Variants in ZNF704 observed in about 807,000 individuals in gnomAD.
ZNF704 encodes zinc finger protein 704, also known as glucocorticoid induced gene 1.
In ZNF704, 10 loss-of-function variants were observed where a neutral mutation model predicts 44.7. The ratio of observed to expected loss-of-function variants is 0.22; its 90% confidence interval spans 0.14 to 0.38. ZNF704 has a LOEUF of 0.38. ZNF704 is among the 10% of genes least tolerant of loss of function. The probability of loss-of-function intolerance (pLI) is 1.00; values close to 1 mark genes in which losing one functional copy is unlikely to be tolerated. For missense variants in ZNF704, 390 were observed against 545.5 expected (o/e 0.71, Z 2.84); for synonymous variants, 211 against 207.6 (o/e 1.02, Z -0.14).
At chr8:80,876,928 T>G (rs1407177495), upstream of ZNF704, among the ~76,000 whole-genome samples, 1 of 152,138 alleles carries the variant, frequency 6.6e-6, no homozygotes, top group Non-Finnish European at 1.5e-5. Flanking sequence ...AGGCCAAGCA[T>G]GTAGCTTTTT....
intron 2 of ZNF704, among the ~76,000 whole-genome samples, chr8:80,705,549 G>A (rs1024733735): frequency 8.6e-5 from 13 of 151,690 alleles, no homozygotes; most frequent in African/African-American, 2.9e-4. Flanking sequence ...TTGGTGTCCT[G>A]TGTGTGTGTC....
intron 2 of ZNF704, among the ~76,000 whole-genome samples, chr8:80,817,117 G>A (rs995183674): frequency 6.6e-6 from 1 of 152,142 alleles, no homozygotes; most frequent in African/African-American, 2.4e-5. Flanking sequence ...GAAGATTCCA[G>A]GTAGTCTGCA....
chr8:80,865,336 A>G (rs916780534), intron 1 of ZNF704, among the ~76,000 whole-genome samples: 2 of 152,194 alleles, frequency 1.3e-5, no homozygotes, highest in Non-Finnish European at 1.5e-5. Flanking sequence ...TGATGTAGCC[A>G]TGCAACAAGT....
chr8:80,723,121 A>G (rs73693873), intron 2 of ZNF704, among the ~76,000 whole-genome samples: 1 of 152,216 alleles, frequency 6.6e-6, no homozygotes, highest in Non-Finnish European at 1.5e-5. Flanking sequence ...ACAAAACTAC[A>G]AAGTTTTCTT....
upstream of ZNF704, among the ~76,000 whole-genome samples, chr8:80,879,090 G>A (rs528964975): frequency 1.3e-5 from 2 of 152,292 alleles, no homozygotes; most frequent in South Asian, 4.1e-4. Flanking sequence ...TAATATGAAT[G>A]AGTTGTGCTC....
At chr8:80,679,300 T>C (rs73691994) in intron 4 of ZNF704, among the ~76,000 whole-genome samples, 16,534 of 152,102 alleles carry the variant, frequency 0.11, 3,045 homozygotes, top group African/African-American at 0.38. Flanking sequence ...CCCCTAACTA[T>C]ATCCAGTTGA....
chr8:80,743,920 T>A (rs919384928), intron 2 of ZNF704, among the ~76,000 whole-genome samples: 1 of 152,142 alleles, frequency 6.6e-6, no homozygotes, highest in South Asian at 2.1e-4. Flanking sequence ...TTTCCAATGA[T>A]CTCAAGACTT....
At chr8:80,867,964 A>G (rs914714434) in intron 1 of ZNF704, among the ~76,000 whole-genome samples, 2 of 152,218 alleles carry the variant, frequency 1.3e-5, no homozygotes, top group East Asian at 3.8e-4. Flanking sequence ...TCATAAGTCT[A>G]TTACACTAGC....
At chr8:80,880,003 T>C in the ZNF704 span, among the ~76,000 whole-genome samples, 1 of 152,220 alleles carries the variant, frequency 6.6e-6, no homozygotes, top group Non-Finnish European at 1.5e-5. Flanking sequence ...AAATTAGATG[T>C]GGGGCTTTAA....
At chr8:80,735,887 T>C (rs1806657099) in intron 2 of ZNF704, among the ~76,000 whole-genome samples, 1 of 152,232 alleles carries the variant, frequency 6.6e-6, no homozygotes, top group Non-Finnish European at 1.5e-5. Context: ...TAAACTCATA[T>C]GCAGCAAATG....
intron 7 of ZNF704, among the ~76,000 whole-genome samples, chr8:80,649,476 C>T (rs1817880978): frequency 2.0e-5 from 3 of 152,202 alleles, no homozygotes; most frequent in African/African-American, 7.2e-5. Context: ...TAATACTGCG[C>T]TTTTCCAACA....
At chr8:80,748,039 T>C (rs1330462158) in intron 2 of ZNF704, among the ~76,000 whole-genome samples, 1 of 152,186 alleles carries the variant, frequency 6.6e-6, no homozygotes, top group Non-Finnish European at 1.5e-5. Context: ...ATTTTCCTCT[T>C]GGGAAGTTGC....
At chr8:80,822,112 ATTAAT>A (rs1021254700) in intron 1 of ZNF704, among the ~76,000 whole-genome samples, 10 of 152,120 alleles carry the variant, frequency 6.6e-5, no homozygotes, top group African/African-American at 2.4e-4. Context: ...AGATTTTTTT[ATTAAT>A]TTATTTTAAT....
rs533849802 is a variant in ZNF704, at chr8:80,782,364, G to A, written c.221+39010C>T. Among the ~76,000 whole-genome samples, 29 of 152,270 alleles carry A rather than the reference G, an allele frequency of 1.9e-4. No homozygotes were observed. In the South Asian group the frequency reaches 4.6e-3, roughly 24 times the overall value. On this transcript the variant is annotated intron_variant, in intron 2 of 8. Coordinates refer to ENST00000327835, the MANE Select transcript of ZNF704 (RefSeq NM_001033723.3). The stretch of plus-strand genomic sequence containing the variant: ...TAAAAGCACAAGTTGGAGGAGAGAC[G>A]GCTTTACAAGCAGCTGCGTGATGCA...
At chr8:80,822,270 C>G (rs185671597) in intron 1 of ZNF704, among the ~76,000 whole-genome samples, 3 of 144,094 alleles carry the variant, frequency 2.1e-5, no homozygotes, top group African/African-American at 5.7e-5. Context: ...TCCCTTCCCC[C>G]CCGCCCCCAA....
At chr8:80,738,687 A>G (rs2131689354) in intron 2 of ZNF704, among the ~76,000 whole-genome samples, 1 of 152,328 alleles carries the variant, frequency 6.6e-6, no homozygotes. Flanking sequence ...AGAAACGGCA[A>G]TACAGAGCTT....
intron 1 of ZNF704, among the ~76,000 whole-genome samples, chr8:80,824,950 G>A: frequency 6.6e-6 from 1 of 152,156 alleles, no homozygotes; most frequent in Non-Finnish European, 1.5e-5. Context: ...GGAACAACTG[G>A]TACCAGCCAC....
chr8:80,659,548 TTGACCA>T lies in ZNF704; in HGVS notation c.1032+31_1032+36del, dbSNP rs1434139088. 4 of 1,585,940 alleles carry T rather than the reference TTGACCA, an allele frequency of 2.5e-6. No homozygotes were observed. In the African/African-American group the frequency reaches 5.4e-5, roughly 21 times the overall value. ...TCGCTAAATTTAGTCTACATTGGCT[TTGACCA>T]GATTTTTGGCTTTTTCGTTTTTCTA... On this transcript the variant is annotated intron_variant, in intron 7 of 8. Transcript: ENST00000327835.
chr8:80,631,626 G>GT lies in ZNF704; in HGVS notation c.*9739dup, dbSNP rs1411699085. On this transcript the variant is annotated 3_prime_UTR_variant, in exon 9 of 9. Transcript: ENST00000327835. ...TTAGCCTCGCACGTGGAGAGGACCG[G>GT]TAGGGTTGGTGACTTGCACGGCGGG... The GT allele has an allele frequency of 1.3e-5, 2 of 152,226 alleles. No homozygotes were observed. The highest frequency in any genetic ancestry group is 4.8e-5 in the African/African-American group (2 of 41,434). 9.4% of individuals were successfully genotyped at this position (152,226 alleles called of 1,614,324 possible). A position where few individuals can be genotyped will look rare whatever the true frequency, so the allele number is the denominator to read the frequency against.
Sources: gnomAD v4.1 joint callset for allele counts (sites outside exome capture counted in the v4.1 genomes callset) on GRCh38, gnomAD v4.1.1 for gene constraint, MANE v1.5 for transcripts, NCBI Gene and HGNC (gene_info 2026-07-23, HGNC 2026-07-21) for gene names.